The following MYO16 variants were observed in gnomAD, a reference collection of about 807,000 sequenced individuals.
The protein encoded by MYO16 is myosin XVI.
A neutral mutation model predicts 205.3 loss-of-function variants in MYO16; 94 were observed. That is an observed-to-expected ratio of 0.46 (90% CI 0.39 to 0.54). The LOEUF (loss-of-function observed/expected upper bound fraction) is 0.54, where lower values mean the gene tolerates loss of function less well. Among genes scored for constraint, MYO16 ranks in the 20% least tolerant of loss-of-function variants. The pLI, the probability that MYO16 is intolerant of heterozygous loss-of-function variation, is 0.00. For synonymous variants in MYO16, 988 were observed against 954.0 expected (o/e 1.04, Z -0.66); for missense variants, 2,315 against 2,387.5 (o/e 0.97, Z 0.63).
the MYO16 span, among the ~76,000 whole-genome samples, chr13:108,523,295 T>C: frequency 6.6e-6 from 1 of 152,200 alleles, no homozygotes; most frequent in Non-Finnish European, 1.5e-5. Context: ...AAACTTGCAC[T>C]TTTCCTGAAT....
intron 2 of MYO16, among the ~76,000 whole-genome samples, chr13:108,698,751 A>G (rs111530394): frequency 4.1e-3 from 619 of 152,338 alleles, no homozygotes; most frequent in Non-Finnish European, 6.3e-3. Context: ...CACATGCTCA[A>G]TAATTCTCGC....
chr13:108,862,160 T>A (rs1268868273), intron 11 of MYO16, among the ~76,000 whole-genome samples: 1 of 152,030 alleles, frequency 6.6e-6, no homozygotes, highest in Non-Finnish European at 1.5e-5. Flanking sequence ...AAAATCAAAA[T>A]CCCCAAAGTC....
rs190952934 is a variant in MYO16, at chr13:108,801,605, T to C, written c.742-5074T>C. Reference sequence around the variant, plus strand: ...TGTATACTATGCTTTCCTAAAAATCTAGGGTTTAGAAGCCCAATAGCACCA... The same window carrying C: ...TGTATACTATGCTTTCCTAAAAATCCAGGGTTTAGAAGCCCAATAGCACCA... On this transcript the variant is annotated intron_variant, in intron 6 of 34. Coordinates refer to ENST00000457511, the MANE Select transcript of MYO16 (RefSeq NM_001198950.3). 1.2e-4 allele frequency among the ~76,000 whole-genome samples: 19 copies of C among 152,336 alleles called. No individual in the cohort carries two copies. The South Asian group carries it at 2.7e-3, about 22-fold the overall frequency.
the MYO16 span, among the ~76,000 whole-genome samples, chr13:108,521,598 G>A: frequency 6.6e-6 from 1 of 152,142 alleles, no homozygotes; most frequent in African/African-American, 2.4e-5. Flanking sequence ...GTCACCTTTT[G>A]TGCAGCTACC....
intron 31 of MYO16, among the ~76,000 whole-genome samples, chr13:109,137,766 C>T (rs1029630066): frequency 6.6e-6 from 1 of 152,328 alleles, no homozygotes; most frequent in African/African-American, 2.4e-5. Context: ...TTTATTCCTT[C>T]GAGATACATA....
intron 30 of MYO16, among the ~76,000 whole-genome samples, chr13:109,126,662 C>A (rs1876265872): frequency 6.6e-6 from 1 of 152,158 alleles, no homozygotes; most frequent in Non-Finnish European, 1.5e-5. Flanking sequence ...TGAATACCAG[C>A]AGTTTACTTG....
intron 1 of MYO16, among the ~76,000 whole-genome samples, chr13:108,630,574 CAT>C (rs1879936376): frequency 6.6e-6 from 1 of 152,206 alleles, no homozygotes. Context: ...AAGAGGAAGA[CAT>C]ATTTATCCAA....
chr13:108,647,199 G>A (rs890511166), intron 1 of MYO16, among the ~76,000 whole-genome samples: 9 of 151,978 alleles, frequency 5.9e-5, no homozygotes, highest in African/African-American at 1.9e-4. Context: ...ATCTCTCAAA[G>A]GTTCTTTCTC....
At chr13:108,991,402 C>A (rs533634257) in intron 20 of MYO16, among the ~76,000 whole-genome samples, 1 of 152,112 alleles carries the variant, frequency 6.6e-6, no homozygotes, top group Non-Finnish European at 1.5e-5. Flanking sequence ...TTAAATTATC[C>A]TTCAAAAGTT....
chr13:108,549,924 T>G, the MYO16 span, among the ~76,000 whole-genome samples: 2 of 152,238 alleles, frequency 1.3e-5, no homozygotes, highest in Non-Finnish European at 2.9e-5. Context: ...TGAACTGAAC[T>G]TTGGTGCAGA....
chr13:108,778,544 G>A lies in MYO16; in HGVS notation c.508-7091G>A, dbSNP rs144900319. Among the ~76,000 whole-genome samples the A allele has an allele frequency of 3.1e-3, 468 of 152,264 alleles. 12 individuals carry two copies. The highest frequency in any genetic ancestry group is 0.027 in the Admixed American group (417 of 15,298). ...TGAGGCAGGAGAATCGCTTGAACCCGGGAGGCGAAGGTTGCAATCAGCCAA... is the reference window on the plus strand; with the variant it reads ...TGAGGCAGGAGAATCGCTTGAACCCAGGAGGCGAAGGTTGCAATCAGCCAA... On this transcript the variant is annotated intron_variant, in intron 4 of 34. Transcript: ENST00000457511.
At chr13:108,934,354 A>G (rs1170937837) in intron 16 of MYO16, among the ~76,000 whole-genome samples, 1 of 152,182 alleles carries the variant, frequency 6.6e-6, no homozygotes, top group Admixed American at 6.5e-5. Context: ...AATGATGAAA[A>G]GCATTTTTTC....
intron 1 of MYO16, among the ~76,000 whole-genome samples, chr13:108,631,138 T>A (rs1307783539): frequency 1.3e-5 from 2 of 152,242 alleles, no homozygotes; most frequent in Non-Finnish European, 2.9e-5. Context: ...ATACTCTGAC[T>A]GGTTTTTGTA....
At chr13:108,543,887 G>T in the MYO16 span, among the ~76,000 whole-genome samples, 5 of 150,180 alleles carry the variant, frequency 3.3e-5, no homozygotes, top group African/African-American at 1.2e-4. Flanking sequence ...CCAACATGGA[G>T]AAACCCCCTC....
At chr13:109,013,329 G>T (rs549975644) in intron 22 of MYO16, among the ~76,000 whole-genome samples, 1 of 152,136 alleles carries the variant, frequency 6.6e-6, no homozygotes, top group Non-Finnish European at 1.5e-5. Flanking sequence ...GTATTCCATG[G>T]TGTATATGTG....
the MYO16 span, among the ~76,000 whole-genome samples, chr13:108,509,862 C>T: frequency 2.0e-5 from 3 of 152,106 alleles, no homozygotes; most frequent in Non-Finnish European, 4.4e-5. Context: ...ATCATGGACT[C>T]TCTCTTTTTC....
At chr13:109,029,099 C>G (rs1222860327) in intron 23 of MYO16, among the ~76,000 whole-genome samples, 1 of 132,030 alleles carries the variant, frequency 7.6e-6, no homozygotes, top group Non-Finnish European at 1.6e-5. Context: ...TGCCTTTAAA[C>G]ATTTTTTCTT....
At chr13:108,565,104 T>A in the MYO16 span, among the ~76,000 whole-genome samples, 1 of 152,216 alleles carries the variant, frequency 6.6e-6, no homozygotes, top group Non-Finnish European at 1.5e-5. Context: ...AGCTTTATTC[T>A]TTTTCCTCAG....
At chr13:109,190,190 A>G (rs2139942176) in intron 34 of MYO16, among the ~76,000 whole-genome samples, 1 of 152,282 alleles carries the variant, frequency 6.6e-6, no homozygotes, top group African/African-American at 2.4e-5. Flanking sequence ...ATATTATCCT[A>G]TTATATTTTT....
Sources: allele counts gnomAD v4.1 joint callset (sites outside exome capture counted in the v4.1 genomes callset), GRCh38; gene constraint gnomAD v4.1.1; transcripts MANE v1.5; gene names NCBI Gene and HGNC (gene_info 2026-07-23, HGNC 2026-07-21).